RAD50: variants seen among roughly 807,000 people sequenced by gnomAD.
RAD50 encodes the protein DNA repair protein RAD50.
Under a neutral mutation model 168.8 loss-of-function variants are expected in RAD50, and 132 were observed. The ratio of observed to expected loss-of-function variants is 0.78; its 90% CI spans 0.68 to 0.90. The LOEUF is 0.90. Ranked by LOEUF, RAD50 falls within the 40% of genes least tolerant of loss-of-function variation. RAD50 has a pLI of 0.00. For missense variants in RAD50, 1,347 were observed against 1,534.4 expected, an observed-to-expected ratio of 0.88 and a Z score of 2.04; for synonymous variants, 525 against 497.4, an observed-to-expected ratio of 1.06 and a Z score of -0.74.
chr5:132,600,337 G>A (rs1750868049), intron 13 of RAD50, among the ~76,000 whole-genome samples: 1 of 152,176 alleles, frequency 6.6e-6, no homozygotes, highest in Admixed American at 6.5e-5. Context: ...GGTGGCAGTG[G>A]AGTGGAAACT....
At chr5:132,589,496 G>A (rs1278734084) in intron 8 of RAD50, 135 bp from the exon 9 acceptor site, 15 of 668,620 alleles carry the variant, frequency 2.2e-5, no homozygotes, top group Non-Finnish European at 3.5e-5. Flanking sequence ...TGCATTTCTT[G>A]GAATATATCC....
chr5:132,632,104 C>G (rs1253258970), intron 21 of RAD50, among the ~76,000 whole-genome samples: 1 of 152,228 alleles, frequency 6.6e-6, no homozygotes, highest in African/African-American at 2.4e-5. Flanking sequence ...TCTAACCAAA[C>G]AATTTTGTCC....
At chr5:132,601,382 G>T (rs2149846225) in intron 13 of RAD50, among the ~76,000 whole-genome samples, 1 of 152,348 alleles carries the variant, frequency 6.6e-6, no homozygotes, top group East Asian at 1.9e-4. Context: ...TTTTGTGTGT[G>T]TGTAGGAAAA....
At chr5:132,624,108 T>C (rs897446683) in intron 21 of RAD50, among the ~76,000 whole-genome samples, 2 of 152,238 alleles carry the variant, frequency 1.3e-5, no homozygotes, top group African/African-American at 2.4e-5. Flanking sequence ...GAGTATTCCA[T>C]GGATATATCT....
chr5:132,609,090 G>A, intron 17 of RAD50, 27 bp from the exon 18 acceptor site: 1 of 1,608,220 alleles, frequency 6.2e-7, no homozygotes, highest in Non-Finnish European at 8.5e-7. Context: ...TACAACCAGT[G>A]TAAATTTAAT....
At chr5:132,606,270 A>G (rs1179681201) in intron 16 of RAD50, among the ~76,000 whole-genome samples, 1 of 152,236 alleles carries the variant, frequency 6.6e-6, no homozygotes, top group African/African-American at 2.4e-5. Flanking sequence ...AATAGATGCA[A>G]TAAAAAATGA....
chr5:132,604,806 T>C lies in RAD50; in HGVS notation c.2525T>C (p.Val842Ala), dbSNP rs28903093. 4.0e-4 allele frequency: 645 copies of C among 1,604,444 alleles called. 1 individual carries two copies. The highest frequency in any genetic ancestry group is 5.3e-4 in the Non-Finnish European group (616 of 1,172,006). The change falls in exon 16 of 25, where the codon GTT becomes GCT. Residue 842 changes from valine (V) to alanine (A), a missense_variant and splice_region_variant. Coordinates refer to ENST00000378823, the MANE Select transcript of RAD50 (RefSeq NM_005732.4). The part of the protein sequence containing the change: ...KQEKQHKLDT[V>A]SSKIELNRKL... Reference sequence around the variant, plus strand: ...ACTGTGATAATATGTTTTTGTGTAGTTTCTAGTAAGATTGAATTGAATCGT... The same window carrying C: ...ACTGTGATAATATGTTTTTGTGTAGCTTCTAGTAAGATTGAATTGAATCGT...
chr5:132,568,667 A>G (rs1750250971), intron 2 of RAD50, among the ~76,000 whole-genome samples: 1 of 152,220 alleles, frequency 6.6e-6, no homozygotes, highest in Admixed American at 6.5e-5. Flanking sequence ...TAAACCTGAA[A>G]ACAGTGGGAC....
Position 132,640,745 on chromosome 5 carries a change from A to AT in RAD50, c.3693dup (p.Glu1232Ter). On this transcript the variant is annotated frameshift_variant, in exon 24 of 25. Coordinates refer to ENST00000378823, the MANE Select transcript of RAD50 (RefSeq NM_005732.4). LOFTEE classifies it high-confidence loss of function. ...CTCAACTGTGGCATCATTGCCTTGGATGAGCCAACAACAAATCTTGACCGA... is the reference window on the plus strand; with the variant it reads ...CTCAACTGTGGCATCATTGCCTTGGATTGAGCCAACAACAAATCTTGACCGA... 1 of 1,614,174 alleles carries AT rather than the reference A, an allele frequency of 6.2e-7. No homozygotes were observed. The highest frequency in any genetic ancestry group is 8.5e-7 in the Non-Finnish European group (1 of 1,180,026).
At chr5:132,621,253 C>T (rs1751279111) in intron 21 of RAD50, among the ~76,000 whole-genome samples, 1 of 152,164 alleles carries the variant, frequency 6.6e-6, no homozygotes, top group Non-Finnish European at 1.5e-5. Context: ...TAGGGCCCAG[C>T]AGTCTATTTT....
chr5:132,559,983 C>T (rs979958022), intron 2 of RAD50, among the ~76,000 whole-genome samples: 5 of 151,502 alleles, frequency 3.3e-5, no homozygotes, highest in East Asian at 1.9e-4. Context: ...TTATACTATT[C>T]GTATGTGTAA....
rs1581009525 is a variant in RAD50, at chr5:132,618,221, G to A, written c.3316G>A (p.Glu1106Lys). The change falls in exon 21 of 25, where the codon GAA becomes AAA. Residue 1106 changes from glutamate (E) to lysine (K), a missense_variant. Physicochemically the swap from Glu to Lys is moderately conservative, Grantham distance 56. Around this residue, in one of 3 missense-constraint regions of RAD50, gnomAD observed 635 missense variants for 739.2 expected, o/e 0.86. Transcript: ENST00000378823. Reference protein sequence around the residue: ...QFRDAEEKYREMMIVMRTTEL... With the variant: ...QFRDAEEKYRKMMIVMRTTEL... ...TCGGGATGCTGAGGAAAAGTATAGA[G>A]AAATGATGATTGTTATGAGGACAAC... The A allele has an allele frequency of 6.2e-7, 1 of 1,614,018 alleles. No homozygotes were observed. Among genetic ancestry groups the A allele is most frequent in the Non-Finnish European group, 8.5e-7 (1 of 1,179,964 alleles).
At chr5:132,618,001 A>G (rs905571486) in intron 20 of RAD50, 69 bp from the exon 21 acceptor site, 46 of 1,256,432 alleles carry the variant, frequency 3.7e-5, no homozygotes, top group Non-Finnish European at 4.9e-5. Context: ...AAAGAAATCT[A>G]TGACTTTTCC....
At chr5:132,579,633 C>A (rs2149837858) in intron 4 of RAD50, 131 bp downstream of exon 4, 2 of 937,734 alleles carry the variant, frequency 2.1e-6, no homozygotes, top group East Asian at 5.1e-5. Flanking sequence ...CATCCAGCAG[C>A]AACCATTGGG....
At chr5:132,629,652 C>T (rs571825886) in intron 21 of RAD50, among the ~76,000 whole-genome samples, 2 of 152,248 alleles carry the variant, frequency 1.3e-5, no homozygotes, top group East Asian at 3.9e-4. Flanking sequence ...CCTAAATTTG[C>T]CTTCTCACCC....
rs777243945 is a variant in RAD50 at position 132,587,707 on chromosome 5, T to C, written c.885+17T>C. On this transcript the variant is annotated intron_variant, in intron 6 of 24. Transcript: ENST00000378823. The stretch of plus-strand genomic sequence containing the variant: ...ATGGAAAAGGTTTGTGGTGGTAGAA[T>C]TTTGTTCTGCTTCAAAATTTTGGGA... 1.2e-6 allele frequency: 2 copies of C among 1,613,508 alleles called. No homozygotes were observed. The highest frequency in any genetic ancestry group is 3.3e-5 in the Admixed American group (2 of 60,002).
intron 16 of RAD50, among the ~76,000 whole-genome samples, chr5:132,607,876 C>G (rs1331188683): frequency 6.6e-6 from 1 of 152,208 alleles, no homozygotes; most frequent in Non-Finnish European, 1.5e-5. Flanking sequence ...GTATCTACCT[C>G]TATAGATTCA....
At chr5:132,633,602 G>T (rs1751516799) in intron 21 of RAD50, among the ~76,000 whole-genome samples, 1 of 151,202 alleles carries the variant, frequency 6.6e-6, no homozygotes, top group African/African-American at 2.4e-5. Flanking sequence ...TTCAGACAGG[G>T]TCTTACTCTG....
Position 132,575,963 on chromosome 5 carries a change from T to C in RAD50, c.365+35T>C, listed in dbSNP as rs765961434. On this transcript the variant is annotated intron_variant, in intron 3 of 24. Transcript: ENST00000378823. ...TATATGATATTTGAATTTCTGTTCATTTTCAGTCTTTTAGGTCTGTAAGTT... is the reference window on the plus strand; with the variant it reads ...TATATGATATTTGAATTTCTGTTCACTTTCAGTCTTTTAGGTCTGTAAGTT... The C allele has an allele frequency of 1.8e-5, 28 of 1,557,790 alleles. No individual in the cohort carries two copies. The Admixed American group carries it at 4.0e-4, about 22-fold the overall frequency.
Sources: allele counts gnomAD v4.1 joint callset (sites outside exome capture counted in the v4.1 genomes callset), GRCh38; gene constraint gnomAD v4.1.1; regional missense constraint gnomAD v4.1.1; transcripts MANE v1.5; gene names NCBI Gene and HGNC (gene_info 2026-07-23, HGNC 2026-07-21).